SFMBT2: variants seen among roughly 807,000 people sequenced by gnomAD.
The protein encoded by SFMBT2 is Scm like with four mbt domains 2.
A neutral mutation model predicts 110.1 loss-of-function variants in SFMBT2; 38 were observed. The ratio of observed to expected loss-of-function variants is 0.35; its 90% CI spans 0.27 to 0.45. The LOEUF (loss-of-function observed/expected upper bound fraction) is 0.45. Among genes scored for constraint, SFMBT2 ranks in the 20% least tolerant of loss-of-function variants. The probability of loss-of-function intolerance (pLI) is 1.00; values close to 1 mark genes in which losing one functional copy is unlikely to be tolerated. For missense variants in SFMBT2, 1,011 were observed against 1,094.9 expected, an observed-to-expected ratio of 0.92 and a Z score of 1.08; for synonymous variants, 425 against 425.4, an observed-to-expected ratio of 1.00 and a Z score of 0.01.
intron 4 of SFMBT2, among the ~76,000 whole-genome samples, chr10:7,353,482 T>C (rs1166529336): frequency 3.0e-5 from 4 of 135,360 alleles, no homozygotes; most frequent in Non-Finnish European, 6.3e-5. Flanking sequence ...TCTAAGCATC[T>C]AAATCATAAA....
At chr10:7,383,580 A>G (rs1252482479) in intron 1 of SFMBT2, among the ~76,000 whole-genome samples, 2 of 152,238 alleles carry the variant, frequency 1.3e-5, no homozygotes, top group Non-Finnish European at 2.9e-5. Flanking sequence ...AAGAAAGAAA[A>G]TACCTGTTTC....
At chr10:7,358,484 CG>C (rs1031335638) in intron 4 of SFMBT2, among the ~76,000 whole-genome samples, 1 of 151,206 alleles carries the variant, frequency 6.6e-6, no homozygotes, top group African/African-American at 2.4e-5. Flanking sequence ...CCTAGAACAC[CG>C]GCATGGCCCT....
chr10:7,297,012 A>G (rs2131871441), intron 4 of SFMBT2, among the ~76,000 whole-genome samples: 1 of 152,360 alleles, frequency 6.6e-6, no homozygotes, highest in East Asian at 1.9e-4. Context: ...GTCAGAGCTC[A>G]GACTCACCAC....
chr10:7,314,960 AAG>A (rs771791946), intron 4 of SFMBT2, among the ~76,000 whole-genome samples: 11 of 148,430 alleles, frequency 7.4e-5, no homozygotes, highest in East Asian at 2.0e-4. Context: ...AGAGAAAGAA[AAG>A]AGAGAGAGAG....
chr10:7,216,757 T>G (rs561633888), intron 11 of SFMBT2, among the ~76,000 whole-genome samples: 1 of 152,314 alleles, frequency 6.6e-6, no homozygotes, highest in Admixed American at 6.5e-5. Flanking sequence ...CCTCCTCACC[T>G]GGAATCCCCA....
intron 2 of SFMBT2, among the ~76,000 whole-genome samples, chr10:7,378,516 GGATAGATGGGTA>G (rs1845330656): frequency 1.3e-5 from 1 of 79,126 alleles, no homozygotes; most frequent in Non-Finnish European, 2.4e-5. Context: ...ATGGGTGGGT[GGATAGATGGGTA>G]TGAGTGTGTG....
intron 2 of SFMBT2, among the ~76,000 whole-genome samples, chr10:7,373,741 G>A (rs543730009): frequency 1.3e-5 from 2 of 152,298 alleles, no homozygotes; most frequent in South Asian, 4.1e-4. Flanking sequence ...AAAAAAGCAG[G>A]AAAAGGGAAG....
chr10:7,350,951 G>A (rs377039653), intron 4 of SFMBT2, among the ~76,000 whole-genome samples: 14 of 152,292 alleles, frequency 9.2e-5, no homozygotes, highest in African/African-American at 2.6e-4. Flanking sequence ...GGGGCTATCC[G>A]CTCCTCTGGT....
Position 7,195,662 on chromosome 10 carries a change from G to A in SFMBT2, c.1698+1886C>T, listed in dbSNP as rs552809208. On this transcript the variant is annotated intron_variant, in intron 15 of 20. Coordinates refer to ENST00000397167, the MANE Select transcript of SFMBT2 (RefSeq NM_001387889.1). Reference sequence around the variant, plus strand: ...TCTCCTCTTCCCTCCTTCATCACCCGCACCCCAGATGCCCCAGCCTTGTTC... The same window carrying A: ...TCTCCTCTTCCCTCCTTCATCACCCACACCCCAGATGCCCCAGCCTTGTTC... Among the ~76,000 whole-genome samples, 14 of 152,140 alleles carry A rather than the reference G, an allele frequency of 9.2e-5. No individual in the cohort carries two copies. The East Asian group carries it at 1.5e-3, about 17-fold the overall frequency.
intron 17 of SFMBT2, among the ~76,000 whole-genome samples, chr10:7,173,647 T>A (rs546614899): frequency 6.6e-6 from 1 of 152,296 alleles, no homozygotes; most frequent in Admixed American, 6.5e-5. Flanking sequence ...AAATGTATCA[T>A]CAGCTAATGA....
chr10:7,312,604 A>T (rs1199988966), intron 4 of SFMBT2, among the ~76,000 whole-genome samples: 7 of 152,250 alleles, frequency 4.6e-5, no homozygotes, highest in Admixed American at 1.3e-4. Flanking sequence ...AACTGCACAT[A>T]GTCACATAAA....
At chr10:7,311,045 C>CAAAAAAAAAAAAAAAAAAAAAA (rs201310544) in intron 4 of SFMBT2, among the ~76,000 whole-genome samples, 2 of 96,936 alleles carry the variant, frequency 2.1e-5, no homozygotes, top group African/African-American at 7.9e-5. Flanking sequence ...AACTCCATCT[C>CAAAAAAAAAAAAAAAAAAAAAA]AAAAAAAAAA....
At chr10:7,256,638 A>G (rs1289955650) in intron 7 of SFMBT2, among the ~76,000 whole-genome samples, 1 of 152,200 alleles carries the variant, frequency 6.6e-6, no homozygotes, top group East Asian at 1.9e-4. Context: ...TGCTTCATCA[A>G]TTATCCTCCA....
chr10:7,248,694 A>G (rs1254225290), intron 7 of SFMBT2, 45 bp from the exon 8 acceptor site: 1 of 1,574,454 alleles, frequency 6.4e-7, no homozygotes, highest in Non-Finnish European at 8.7e-7. Flanking sequence ...GGTATTGTAA[A>G]TGACCTCAGC....
chr10:7,284,330 C>G (rs1564421562), intron 5 of SFMBT2, 180 bp from the exon 6 acceptor site: 1 of 1,411,072 alleles, frequency 7.1e-7, no homozygotes, highest in East Asian at 2.5e-5. Context: ...TTTCCTCCCT[C>G]CCACACATCC....
At chr10:7,190,583 T>A (rs889579502) in intron 15 of SFMBT2, among the ~76,000 whole-genome samples, 1 of 152,236 alleles carries the variant, frequency 6.6e-6, no homozygotes, top group African/African-American at 2.4e-5. Context: ...TTTGGAATTG[T>A]GAGCTGAATA....
At chr10:7,409,151 A>C (rs1449551754) in intron 1 of SFMBT2, among the ~76,000 whole-genome samples, 2 of 91,510 alleles carry the variant, frequency 2.2e-5, no homozygotes, top group South Asian at 3.9e-4. Context: ...CCCACCTCCC[A>C]CCCCAGAGCG....
At chr10:7,238,242 TGAG>T (rs1295539894) in intron 9 of SFMBT2, among the ~76,000 whole-genome samples, 1 of 152,168 alleles carries the variant, frequency 6.6e-6, no homozygotes, top group East Asian at 1.9e-4. Context: ...CAGGTGGCTG[TGAG>T]GAGAAGTGGT....
intron 10 of SFMBT2, among the ~76,000 whole-genome samples, chr10:7,226,444 T>C (rs1184942080): frequency 1.3e-5 from 2 of 152,258 alleles, no homozygotes; most frequent in South Asian, 2.1e-4. Context: ...TATTGTTATG[T>C]CTAGAGTGCA....
Sources: gnomAD v4.1 joint callset for allele counts (sites outside exome capture counted in the v4.1 genomes callset) on GRCh38, gnomAD v4.1.1 for gene constraint, MANE v1.5 for transcripts, NCBI Gene and HGNC (gene_info 2026-07-23, HGNC 2026-07-21) for gene names.